The following DAB1 variants were observed in gnomAD, a reference collection of about 807,000 sequenced individuals.
The protein encoded by DAB1 is DAB adaptor protein 1.
Under a neutral mutation model 64.6 loss-of-function variants are expected in DAB1, and 15 were observed. The ratio of observed to expected loss-of-function variants is 0.23; its 90% CI spans 0.16 to 0.36. The LOEUF is 0.36. DAB1 is among the 10% of genes least tolerant of loss of function. DAB1 has a pLI of 1.00. For missense variants in DAB1, 596 were observed against 706.7 expected (o/e 0.84, Z 1.78); for synonymous variants, 235 against 251.9 (o/e 0.93, Z 0.64).
chr1:58,048,926 T>C (rs1647434575), intron 5 of DAB1: 2 of 876,918 alleles, frequency 2.3e-6, no homozygotes, highest in Non-Finnish European at 3.8e-6. Flanking sequence ...TTAAAAATAA[T>C]CTCTTAGGTG....
intron 3 of DAB1, among the ~76,000 whole-genome samples, chr1:58,442,027 G>A (rs923353205): frequency 2.6e-5 from 4 of 152,210 alleles, no homozygotes; most frequent in Non-Finnish European, 5.9e-5. Context: ...CTCAGTGAAG[G>A]AGAAAATCAA....
At chr1:57,575,141 C>T (rs1254496975) in intron 7 of DAB1, among the ~76,000 whole-genome samples, 1 of 152,126 alleles carries the variant, frequency 6.6e-6, no homozygotes, top group African/African-American at 2.4e-5. Flanking sequence ...TGGCTTTCAG[C>T]GGGCACCTTG....
chr1:57,786,078 C>G (rs1379838634), intron 6 of DAB1, among the ~76,000 whole-genome samples: 1 of 152,120 alleles, frequency 6.6e-6, no homozygotes, highest in Non-Finnish European at 1.5e-5. Context: ...AAGAAGATCA[C>G]GACTCCTCTT....
intron 3 of DAB1, among the ~76,000 whole-genome samples, chr1:58,429,345 G>A (rs1264113604): frequency 2.0e-5 from 3 of 152,126 alleles, no homozygotes; most frequent in African/African-American, 2.4e-5. Flanking sequence ...GAGCAGGCGG[G>A]GACAGAAAAG....
chr1:57,668,100 TAATTAA>T (rs1239821359), intron 6 of DAB1, among the ~76,000 whole-genome samples: 1 of 152,170 alleles, frequency 6.6e-6, no homozygotes, highest in Non-Finnish European at 1.5e-5. Flanking sequence ...CTTTTAATTT[TAATTAA>T]AATTAAAATT....
intron 3 of DAB1, chr1:58,473,788 G>A (rs1260207107): frequency 3.6e-6 from 2 of 550,606 alleles, no homozygotes; most frequent in Non-Finnish European, 6.6e-6. Context: ...TCTGACCCAA[G>A]AACGCTCTGC....
intron 3 of DAB1, among the ~76,000 whole-genome samples, chr1:58,479,078 C>G (rs78946476): frequency 0.03 from 4,600 of 152,266 alleles, 218 homozygotes; most frequent in African/African-American, 0.1. Flanking sequence ...CTCTTTCTGA[C>G]ATGGTGTCAA....
chr1:58,120,049 G>A (rs1435934129), intron 5 of DAB1, among the ~76,000 whole-genome samples: 1 of 152,090 alleles, frequency 6.6e-6, no homozygotes, highest in African/African-American at 2.4e-5. Flanking sequence ...CCCAGAGCCT[G>A]AAATGTCCTT....
At chr1:57,347,317 A>G (rs1473921756) in intron 1 of DAB1, among the ~76,000 whole-genome samples, 1 of 152,180 alleles carries the variant, frequency 6.6e-6, no homozygotes, top group Non-Finnish European at 1.5e-5. Context: ...TGCCCTGCCT[A>G]CCTTGCAAAA....
At chr1:57,432,624 T>C (rs1332856691) in intron 7 of DAB1, among the ~76,000 whole-genome samples, 1 of 152,164 alleles carries the variant, frequency 6.6e-6, no homozygotes, top group Non-Finnish European at 1.5e-5. Flanking sequence ...ATGAGGACAT[T>C]GTTAAAGGAT....
At chr1:58,512,985 T>C (rs1646104869) in intron 2 of DAB1, among the ~76,000 whole-genome samples, 1 of 152,194 alleles carries the variant, frequency 6.6e-6, no homozygotes, top group Admixed American at 6.5e-5. Context: ...CAAGTCTAAT[T>C]CTTTTGCTTC....
At chr1:58,152,075 G>A (rs1181485250) in intron 4 of DAB1, among the ~76,000 whole-genome samples, 2 of 152,098 alleles carry the variant, frequency 1.3e-5, no homozygotes, top group African/African-American at 4.8e-5. Flanking sequence ...CTTGAGGTGG[G>A]GTGGCGAAAG....
At chr1:58,424,325 G>T (rs1015367679) in intron 3 of DAB1, among the ~76,000 whole-genome samples, 6 of 152,154 alleles carry the variant, frequency 3.9e-5, no homozygotes, top group Non-Finnish European at 8.8e-5. Context: ...TCAGTCTACC[G>T]ATTTCAAATG....
intron 5 of DAB1, among the ~76,000 whole-genome samples, chr1:57,925,176 T>A (rs1305647112): frequency 6.6e-6 from 1 of 152,198 alleles, no homozygotes; most frequent in Non-Finnish European, 1.5e-5. Flanking sequence ...ACTGCAAAAA[T>A]TAACCTATGA....
Position 57,273,549 on chromosome 1 carries a change from G to GCCTGCCTT in DAB1, c.67+17407_67+17414dup, listed in dbSNP as rs1178766469. On this transcript the variant is annotated intron_variant, in intron 2 of 14. Transcript: ENST00000371236. ...TGCCTGCCTGCCTGCCTGCCTGCCT[G>GCCTGCCTT]CCTGCCTTCCTTCCTTCCTTCCTTC... Among the ~76,000 whole-genome samples, 6 of 75,772 alleles carry GCCTGCCTT rather than the reference G, an allele frequency of 7.9e-5. 1 individual carries two copies. The Admixed American group carries it at 8.4e-4, about 11-fold the overall frequency. 49.7% of individuals were successfully genotyped at this position (75,772 alleles called of 152,430 possible).
At chr1:57,606,688 G>A (rs58260803) in intron 7 of DAB1, among the ~76,000 whole-genome samples, 1 of 119,086 alleles carries the variant, frequency 8.4e-6, no homozygotes, top group Non-Finnish European at 1.7e-5. Context: ...TATTATGTAT[G>A]AAATATATAT....
At chr1:57,427,491 G>C (rs1247838021), upstream of DAB1, among the ~76,000 whole-genome samples, 1 of 152,118 alleles carries the variant, frequency 6.6e-6, no homozygotes, top group Non-Finnish European at 1.5e-5. Flanking sequence ...TGTAAGTGCT[G>C]GTTGACCTAT....
At chr1:58,180,018 T>C (rs1656688487) in intron 4 of DAB1, among the ~76,000 whole-genome samples, 1 of 151,996 alleles carries the variant, frequency 6.6e-6, no homozygotes, top group Non-Finnish European at 1.5e-5. Context: ...TTACATTAGG[T>C]GCTATAAGTA....
At chr1:58,528,019 A>T (rs1012580482) in intron 1 of DAB1, among the ~76,000 whole-genome samples, 46 of 152,386 alleles carry the variant, frequency 3.0e-4, no homozygotes, top group African/African-American at 1.1e-3. Context: ...TTTTGAGAAA[A>T]GAGCTATTAA....
Sources: allele counts gnomAD v4.1 joint callset (sites outside exome capture counted in the v4.1 genomes callset), GRCh38; gene constraint gnomAD v4.1.1; transcripts MANE v1.5; gene names NCBI Gene and HGNC (gene_info 2026-07-23, HGNC 2026-07-21).